The following PGPEP1L variants were observed in gnomAD, a reference collection of about 807,000 sequenced individuals.
PGPEP1L encodes pyroglutamyl-peptidase I like, also known as pyroglutamyl-peptidase 1-like protein.
In PGPEP1L, 7 loss-of-function variants were observed where a neutral mutation model predicts 6.0. The ratio of observed to expected loss-of-function variants is 1.17; its 90% CI spans 0.66 to 2.19. The LOEUF is 2.19. Ranked by LOEUF, PGPEP1L falls within the 30% of genes most tolerant of loss-of-function variation. The probability of loss-of-function intolerance (pLI) is 0.00; values close to 1 mark genes in which losing one functional copy is unlikely to be tolerated. For synonymous variants in PGPEP1L, 103 were observed against 83.9 expected (o/e 1.23, Z -1.24); for missense variants, 209 against 192.5 (o/e 1.09, Z -0.51).
rs1241731300 is a variant in PGPEP1L at position 99,005,506 on chromosome 15, A to G, written c.-219T>C. ...CGCGCTGCGCCTCCCTGGCTCAGGCAGCGGCCCAGCGGCCGGGCTCTGCGC... is the reference window on the plus strand; with the variant it reads ...CGCGCTGCGCCTCCCTGGCTCAGGCGGCGGCCCAGCGGCCGGGCTCTGCGC... On this transcript the variant is annotated 5_prime_UTR_variant, in exon 2 of 5. Transcript: ENST00000535714. 2.6e-5 allele frequency: 4 copies of G among 152,388 alleles called. No individual in the cohort carries two copies. The highest frequency in any genetic ancestry group is 9.6e-5 in the African/African-American group (4 of 41,468). The allele number at this position is 152,388 out of a possible 1,614,324, so 9.4% of individuals were successfully genotyped here.
At position 98,971,173 on chromosome 15, in the gene PGPEP1L, A is replaced by C; in HGVS notation, c.-141-15T>G. On this transcript the variant is annotated splice_polypyrimidine_tract_variant and intron_variant, in intron 2 of 4. Transcript: ENST00000535714. ...TTGGAGAGCTCCTGAGGAAAGCGGCAGGTGGACTTGCCTCAGTTGATGGGG... is the reference window on the plus strand; with the variant it reads ...TTGGAGAGCTCCTGAGGAAAGCGGCCGGTGGACTTGCCTCAGTTGATGGGG... 1 of 1,334,108 alleles carries C rather than the reference A, an allele frequency of 7.5e-7. No homozygotes were observed. The highest frequency in any genetic ancestry group is 1.0e-6 in the Non-Finnish European group (1 of 996,356). The allele number at this position is 1,334,108 out of a possible 1,614,324, so 82.6% of individuals were successfully genotyped here.
Position 98,968,538 on chromosome 15 carries a change from G to C in PGPEP1L, c.369C>G (p.Pro123=). 1 of 1,613,006 alleles carries C rather than the reference G, an allele frequency of 6.2e-7. No homozygotes were observed. The change falls in exon 5 of 5, where the codon CCC becomes CCG. Residue 123 remains proline (P), a synonymous_variant. Coordinates refer to ENST00000535714, the MANE Select transcript of PGPEP1L (RefSeq NM_001167902.2). ...TTTCTTCGAACTGGGCTCTGTGCTT[G>C]GGCTTTCCCACCTCTTCCAGCATTT... ...IQEMLEEVGK[P]KHRAQFEENS...
chr15:98,980,090 G>T (rs533574241), intron 2 of PGPEP1L, among the ~76,000 whole-genome samples: 20 of 152,270 alleles, frequency 1.3e-4, no homozygotes, highest in Non-Finnish European at 2.4e-4. Flanking sequence ...CATGTATACT[G>T]CTTGGGTGAT....
chr15:98,985,720 A>G (rs1460422040), intron 2 of PGPEP1L, among the ~76,000 whole-genome samples: 1 of 152,224 alleles, frequency 6.6e-6, no homozygotes, highest in Non-Finnish European at 1.5e-5. Flanking sequence ...ATGTGCCCTC[A>G]GGCCAGATGT....
intron 3 of PGPEP1L, among the ~76,000 whole-genome samples, chr15:98,970,613 C>G (rs961768513): frequency 2.6e-5 from 4 of 151,992 alleles, no homozygotes; most frequent in Non-Finnish European, 5.9e-5. Context: ...AAAATGGGCT[C>G]GTGCTATGAA....
At chr15:99,003,171 A>T (rs2017998801) in intron 2 of PGPEP1L, among the ~76,000 whole-genome samples, 1 of 150,186 alleles carries the variant, frequency 6.7e-6, no homozygotes, top group East Asian at 1.9e-4. Context: ...CAGCCAGAAA[A>T]AAAAAAGGGC....
At chr15:99,004,449 G>A (rs554019332) in intron 2 of PGPEP1L, among the ~76,000 whole-genome samples, 208 of 151,554 alleles carry the variant, frequency 1.4e-3, no homozygotes, top group African/African-American at 4.5e-3. Flanking sequence ...GCCAGGCGCA[G>A]TGGCTCATGC....
rs1172527824 is a variant in PGPEP1L, at chr15:99,005,645, A to G, written c.-358T>C. 3 of 152,266 alleles carry G rather than the reference A, an allele frequency of 2.0e-5. No homozygotes were observed. Among genetic ancestry groups the G allele is most frequent in the African/African-American group, 7.2e-5 (3 of 41,464 alleles). 9.4% of individuals were successfully genotyped at this position (152,266 alleles called of 1,614,324 possible). The stretch of plus-strand genomic sequence containing the variant: ...GCGTCCGTAGCGTTCTGGGCCCCGA[A>G]AGGCCAAGGATCTAGGGGAGGGTGA... On this transcript the variant is annotated 5_prime_UTR_variant, in exon 2 of 5. Coordinates refer to ENST00000535714, the MANE Select transcript of PGPEP1L (RefSeq NM_001167902.2).
chr15:98,995,199 C>G lies in PGPEP1L; in HGVS notation c.-142+10230G>C, dbSNP rs145032262. ...ATGTATTTAGAACATCACATTTTAT[C>G]GTCCACATTTATTTTCTGTCTTCTT... is the stretch of plus-strand genomic sequence containing the variant. On this transcript the variant is annotated intron_variant, in intron 2 of 4. Transcript: ENST00000535714. 2.6e-5 allele frequency among the ~76,000 whole-genome samples: 4 copies of G among 152,160 alleles called. No individual in the cohort carries two copies. In the South Asian group the frequency reaches 8.3e-4, roughly 32 times the overall value.
chr15:98,987,496 G>A (rs1418427708), intron 2 of PGPEP1L, among the ~76,000 whole-genome samples: 1 of 152,140 alleles, frequency 6.6e-6, no homozygotes, highest in African/African-American at 2.4e-5. Context: ...TGGTGGGGTT[G>A]TGGTGGGTGC....
In PGPEP1L at chr15:98,993,149, TATC is replaced by T. The variant is rs548790034; in HGVS notation, c.-142+12277_-142+12279del. On this transcript the variant is annotated intron_variant, in intron 2 of 4. Transcript: ENST00000535714. ...AGAGATTCAGCATAGCAAAAGAAAC[TATC>T]ATCAGAGTGAACAAGCAACCTACAG... Among the ~76,000 whole-genome samples, 827 of 152,172 alleles carry T rather than the reference TATC, an allele frequency of 5.4e-3. 4 individuals are homozygous for T. The highest frequency in any genetic ancestry group is 8.4e-3 in the Admixed American group (129 of 15,288).
At chr15:98,983,569 T>C (rs977595953) in intron 2 of PGPEP1L, among the ~76,000 whole-genome samples, 2 of 152,184 alleles carry the variant, frequency 1.3e-5, no homozygotes, top group Admixed American at 1.3e-4. Flanking sequence ...ATGTAATTTC[T>C]TTTGAATGAA....
chr15:98,979,810 C>T (rs1379736483), intron 2 of PGPEP1L, among the ~76,000 whole-genome samples: 2 of 151,906 alleles, frequency 1.3e-5, no homozygotes, highest in Non-Finnish European at 2.9e-5. Flanking sequence ...CCACCACACC[C>T]GGCTAATTTT....
chr15:98,979,630 ATTCTTTTTTTT>A (rs2017626997), intron 2 of PGPEP1L, among the ~76,000 whole-genome samples: 2 of 105,944 alleles, frequency 1.9e-5, no homozygotes, highest in Middle Eastern at 5.4e-3. Flanking sequence ...ATTGGAGACT[ATTCTTTTTTTT>A]TTTTTTTTTT....
chr15:98,970,505 G>C (rs1019318159), intron 3 of PGPEP1L, among the ~76,000 whole-genome samples: 4 of 139,510 alleles, frequency 2.9e-5, no homozygotes, highest in African/African-American at 1.1e-4. Flanking sequence ...GCTTGATAGT[G>C]TATGTTTTAT....
At chr15:98,984,143 T>TG (rs889605364) in intron 2 of PGPEP1L, among the ~76,000 whole-genome samples, 6 of 151,350 alleles carry the variant, frequency 4.0e-5, no homozygotes, top group Admixed American at 2.0e-4. Flanking sequence ...CCCAAGTAGC[T>TG]GGGACTACAG....
At chr15:98,989,870 C>T (rs965974666) in intron 2 of PGPEP1L, among the ~76,000 whole-genome samples, 6 of 152,110 alleles carry the variant, frequency 3.9e-5, no homozygotes, top group Admixed American at 3.9e-4. Flanking sequence ...AATTTCATAT[C>T]CAGCCAAACT....
chr15:98,971,207 GGGGTGGGCACC>G, intron 2 of PGPEP1L, 49 bp from the exon 3 acceptor site: 1 of 186,854 alleles, frequency 5.4e-6, no homozygotes, highest in Non-Finnish European at 8.5e-6. Flanking sequence ...GGGGGGGGGG[GGGGTGGGCACC>G]AAGAGTCCCT....
chr15:98,999,140 T>G (rs1391063157), intron 2 of PGPEP1L, among the ~76,000 whole-genome samples: 2 of 152,214 alleles, frequency 1.3e-5, no homozygotes, highest in Non-Finnish European at 2.9e-5. Context: ...TGAAAGTCCC[T>G]GTTAAGAGGA....
Sources: gnomAD v4.1 joint callset for allele counts (sites outside exome capture counted in the v4.1 genomes callset) on GRCh38, gnomAD v4.1.1 for gene constraint, MANE v1.5 for transcripts, NCBI Gene and HGNC (gene_info 2026-07-23, HGNC 2026-07-21) for gene names.